The following KIF18A variants were observed in gnomAD, a reference collection of about 807,000 sequenced individuals.
KIF18A encodes the protein kinesin-like protein KIF18A.
KIF18A carries 67 observed loss-of-function variants against 103.3 expected under a neutral mutation model. The ratio of observed to expected loss-of-function variants is 0.65; its 90% CI spans 0.53 to 0.79. The LOEUF is 0.79. Among genes scored for constraint, KIF18A ranks in the 30% least tolerant of loss-of-function variants. KIF18A has a pLI of 0.00. For missense variants in KIF18A, 1,032 were observed against 1,062.5 expected, an observed-to-expected ratio of 0.97 and a Z score of 0.40; for synonymous variants, 367 against 355.5, an observed-to-expected ratio of 1.03 and a Z score of -0.36.
chr11:28,050,412 T>C (rs565406208), intron 13 of KIF18A, among the ~76,000 whole-genome samples: 46 of 152,054 alleles, frequency 3.0e-4, no homozygotes, highest in African/African-American at 1.1e-3. Flanking sequence ...TCCTGCTTTA[T>C]ATTTGTTATA....
chr11:28,044,402 T>TC (rs1360430924), intron 13 of KIF18A, among the ~76,000 whole-genome samples: 2 of 152,150 alleles, frequency 1.3e-5, no homozygotes, highest in African/African-American at 4.8e-5. Flanking sequence ...TTTCTGGAGA[T>TC]AACTATAAAT....
chr11:28,073,057 C>T (rs1038697084), intron 10 of KIF18A, among the ~76,000 whole-genome samples: 1 of 152,102 alleles, frequency 6.6e-6, no homozygotes, highest in African/African-American at 2.4e-5. Flanking sequence ...AACAATTTCA[C>T]AATCTATACC....
intron 13 of KIF18A, among the ~76,000 whole-genome samples, chr11:28,047,213 T>C (rs376053660): frequency 1.2e-3 from 177 of 152,202 alleles, no homozygotes; most frequent in African/African-American, 4.0e-3. Context: ...GAAATGTCCT[T>C]AAAACAGTTG....
intron 13 of KIF18A, among the ~76,000 whole-genome samples, chr11:28,051,557 G>T (rs1850712668): frequency 6.6e-6 from 1 of 151,610 alleles, no homozygotes; most frequent in South Asian, 2.1e-4. Context: ...TGAATGGAAA[G>T]GCCTTTTGAG....
chr11:28,058,534 G>A (rs1850812572), intron 13 of KIF18A, among the ~76,000 whole-genome samples: 1 of 142,870 alleles, frequency 7.0e-6, no homozygotes, highest in East Asian at 2.1e-4. Flanking sequence ...GGTGGTGCAT[G>A]CCTGTAATTC....
At position 28,035,466 on chromosome 11, in the gene KIF18A, G is replaced by A. The variant is rs199938122; in HGVS notation, c.2425C>T (p.His809Tyr). The A allele has an allele frequency of 3.1e-6, 5 of 1,596,304 alleles. No homozygotes were observed. In the East Asian group the frequency reaches 9.0e-5, roughly 29 times the overall value. ...RLDPSSFSTKHSMPVPSMVPS... is the reference protein window; with the variant it reads ...RLDPSSFSTKYSMPVPSMVPS... The stretch of plus-strand genomic sequence containing the variant: ...ACCATGCTTGGTACAGGCATAGAAT[G>A]CTTAGTTGAGAATGAAGAAGGATCA... The change falls in exon 15 of 17, where the codon CAT (histidine) becomes TAT (tyrosine). Residue 809 changes from histidine (H) to tyrosine (Y), a missense_variant. Transcript: ENST00000263181.
intron 16 of KIF18A, among the ~76,000 whole-genome samples, chr11:28,023,153 G>A (rs1194431915): frequency 2.0e-5 from 3 of 152,142 alleles, no homozygotes; most frequent in African/African-American, 7.2e-5. Flanking sequence ...TACACCACTA[G>A]TTTAACTGAA....
chr11:28,027,465 G>C (rs1850335761), intron 15 of KIF18A, among the ~76,000 whole-genome samples: 1 of 151,614 alleles, frequency 6.6e-6, no homozygotes, highest in Non-Finnish European at 1.5e-5. Flanking sequence ...TGTTAGTTTT[G>C]AATAAGTATT....
intron 13 of KIF18A, among the ~76,000 whole-genome samples, chr11:28,043,317 C>A (rs1242291318): frequency 1.3e-5 from 2 of 151,994 alleles, no homozygotes; most frequent in Non-Finnish European, 2.9e-5. Context: ...TCCCTACATT[C>A]CCTGGGCTGT....
In KIF18A at chr11:28,036,571, G is replaced by A; in HGVS notation, c.2042C>T (p.Thr681Ile). 2 of 1,610,762 alleles carry A rather than the reference G, an allele frequency of 1.2e-6. No individual in the cohort carries two copies. The highest frequency in any genetic ancestry group is 1.7e-6 in the Non-Finnish European group (2 of 1,177,850). The change falls in exon 14 of 17, where the codon ACT becomes ATT. Residue 681 changes from threonine to isoleucine, a missense_variant. Transcript: ENST00000263181. ...LMPSPLKGQH[T>I]LKSPPSQSVQ... The stretch of plus-strand genomic sequence containing the variant: ...ACTTTGAGATGGTGGAGACTTTAGA[G>A]TATGCTGTCCTTTCAAGGGAGATGG...
intron 13 of KIF18A, among the ~76,000 whole-genome samples, chr11:28,052,854 C>T (rs948625736): frequency 1.3e-5 from 2 of 151,424 alleles, no homozygotes; most frequent in East Asian, 1.9e-4. Context: ...AAAAAAGTAA[C>T]GATTGTTACT....
At chr11:28,088,809 A>G in intron 5 of KIF18A, 88 bp from the exon 6 acceptor site, 4 of 1,011,172 alleles carry the variant, frequency 4.0e-6, no homozygotes, top group Non-Finnish European at 5.9e-6. Context: ...GCACAAAATC[A>G]AAATTATTTT....
At chr11:28,054,928 G>C (rs552666993) in intron 13 of KIF18A, among the ~76,000 whole-genome samples, 2 of 152,118 alleles carry the variant, frequency 1.3e-5, no homozygotes, top group African/African-American at 2.4e-5. Context: ...CAATTATACT[G>C]TATGTGAAAT....
chr11:28,034,563 T>C (rs55854079), intron 15 of KIF18A, among the ~76,000 whole-genome samples: 3 of 151,734 alleles, frequency 2.0e-5, no homozygotes, highest in East Asian at 3.9e-4. Flanking sequence ...CTCTGCTTAA[T>C]ACTTTAGCCT....
In KIF18A at chr11:28,036,218, G is replaced by A. The variant is rs193161481; in HGVS notation, c.2395C>T (p.Arg799Trp). ...TTGGCAAATATTATTTTTTTGTACC[G>A]TTGTAAAATGTCTTTGTTATCATTT... Reference protein sequence around the residue: ...LPNDNKDILQRLDPSSFSTKH... With the variant: ...LPNDNKDILQWLDPSSFSTKH... The change falls in exon 14 of 17, where the codon CGG becomes TGG. Residue 799 changes from arginine to tryptophan, a missense_variant and splice_region_variant. Transcript: ENST00000263181. 46 of 1,555,610 alleles carry A rather than the reference G, an allele frequency of 3.0e-5. 1 individual carries two copies. The highest frequency in any genetic ancestry group is 1.7e-4 in the Middle Eastern group (1 of 5,782).
intron 11 of KIF18A, among the ~76,000 whole-genome samples, 191 bp from the exon 12 acceptor site, chr11:28,062,707 T>A (rs955238302): frequency 6.6e-5 from 10 of 152,146 alleles, no homozygotes; most frequent in Non-Finnish European, 1.3e-4. Flanking sequence ...TAAGTTTTCA[T>A]GTTTCCTCAG....
At chr11:28,066,713 C>T (rs1046403707) in intron 11 of KIF18A, among the ~76,000 whole-genome samples, 4 of 151,006 alleles carry the variant, frequency 2.6e-5, no homozygotes, top group Non-Finnish European at 5.9e-5. Flanking sequence ...AAAATCTACA[C>T]AGCTTTGAAC....
In KIF18A at chr11:28,036,611, G is replaced by A. The variant is rs1053674658; in HGVS notation, c.2002C>T (p.Arg668Trp). 2.5e-6 allele frequency: 4 copies of A among 1,610,002 alleles called. No individual in the cohort carries two copies. Among genetic ancestry groups the A allele is most frequent in the East Asian group, 2.2e-5 (1 of 44,760 alleles). ...AAGGGAGATGGCATTAGTTTTCTCC[G>A]AGTTCTTTTTTCTGTAGGAATCTTA... ...LVKIPTEKRT[R>W]RKLMPSPLKG... Residue 668 changes from arginine (R) to tryptophan (W), a missense_variant, in exon 14 of 17, where the codon CGG becomes TGG. Transcript: ENST00000263181.
intron 13 of KIF18A, among the ~76,000 whole-genome samples, chr11:28,055,751 G>A (rs905371256): frequency 6.6e-6 from 1 of 152,150 alleles, no homozygotes; most frequent in African/African-American, 2.4e-5. Context: ...ATGATCAGAT[G>A]CATCAAAATA....
Sources: allele counts gnomAD v4.1 joint callset (sites outside exome capture counted in the v4.1 genomes callset), GRCh38; gene constraint gnomAD v4.1.1; transcripts MANE v1.5; gene names NCBI Gene and HGNC (gene_info 2026-07-23, HGNC 2026-07-21).